FBXO11: variants seen among roughly 807,000 people sequenced by gnomAD.
FBXO11 encodes F-box protein 11.
FBXO11 carries 13 observed loss-of-function variants against 117.0 expected under a neutral mutation model. The observed-to-expected ratio is 0.11, with a 90% CI of 0.07 to 0.18. The LOEUF (loss-of-function observed/expected upper bound fraction) is 0.18. Among genes scored for constraint, FBXO11 ranks in the 10% least tolerant of loss-of-function variants. FBXO11 has a pLI of 1.00. For synonymous variants in FBXO11, 490 were observed against 380.5 expected (o/e 1.29, Z -3.35); for missense variants, 767 against 1,164.4 (o/e 0.66, Z 4.97).
intron 11 of FBXO11, among the ~76,000 whole-genome samples, chr2:47,831,427 G>GAAA (rs920107554): frequency 4.6e-5 from 3 of 65,740 alleles, no homozygotes; most frequent in Non-Finnish European, 8.5e-5. Flanking sequence ...GTCTCAAAAA[G>GAAA]AAAAAAAAAA....
intron 1 of FBXO11, among the ~76,000 whole-genome samples, chr2:47,845,734 T>A (rs543911931): frequency 2.9e-4 from 44 of 152,188 alleles, no homozygotes; most frequent in Admixed American, 2.0e-3. Context: ...GTAACAAGGG[T>A]GCCCTCTTTT....
chr2:47,859,752 T>C (rs1558449752), intron 1 of FBXO11, among the ~76,000 whole-genome samples: 1 of 152,334 alleles, frequency 6.6e-6, no homozygotes. Flanking sequence ...AACCCAATTA[T>C]GTTGTCTTTT....
At chr2:47,826,797 ACT>A (rs1207255159) in intron 11 of FBXO11, among the ~76,000 whole-genome samples, 1 of 151,968 alleles carries the variant, frequency 6.6e-6, no homozygotes, top group East Asian at 1.9e-4. Flanking sequence ...ACAGAGTCTC[ACT>A]CTGTTGCCCA....
In FBXO11 at chr2:47,813,775, G is replaced by A. The variant is rs756936373; in HGVS notation, c.2083+16C>T. The A allele has an allele frequency of 5.0e-6, 8 of 1,593,382 alleles. No homozygotes were observed. The South Asian group carries it at 7.7e-5, about 15-fold the overall frequency. On this transcript the variant is annotated intron_variant, in intron 17 of 22. Transcript: ENST00000403359. Reference sequence around the variant, plus strand: ...AAGTTTATTAACACAGAAAAAAGATGACAGATTAAACATACCAGAATTATA... The same window carrying A: ...AAGTTTATTAACACAGAAAAAAGATAACAGATTAAACATACCAGAATTATA...
Position 47,813,666 on chromosome 2 carries a change from C to T in FBXO11, c.2083+125G>A, listed in dbSNP as rs544153022. On this transcript the variant is annotated intron_variant, in intron 17 of 22. Coordinates refer to ENST00000403359, the MANE Select transcript of FBXO11 (RefSeq NM_001190274.2). ...CAGGCTGGTCTTAAACTCCTGACCTCGGGTGATCCACCCATCTCGGCCTCC... is the reference window on the plus strand; with the variant it reads ...CAGGCTGGTCTTAAACTCCTGACCTTGGGTGATCCACCCATCTCGGCCTCC... The T allele has an allele frequency of 1.9e-4, 138 of 712,194 alleles. 2 individuals carry two copies. Among genetic ancestry groups the T allele is most frequent in the Admixed American group, 3.0e-4 (12 of 39,772 alleles). The allele number at this position is 712,194 out of a possible 1,614,324, so 44.1% of individuals were successfully genotyped here. A position where few individuals can be genotyped will look rare whatever the true frequency, so the allele number is the denominator to read the frequency against.
At chr2:47,853,331 C>T (rs896288985) in intron 1 of FBXO11, among the ~76,000 whole-genome samples, 2 of 151,976 alleles carry the variant, frequency 1.3e-5, no homozygotes, top group African/African-American at 4.8e-5. Flanking sequence ...CGGCCTCCCA[C>T]AGTGCTGAGA....
At chr2:47,825,963 T>C (rs553264897) in intron 11 of FBXO11, among the ~76,000 whole-genome samples, 3 of 152,300 alleles carry the variant, frequency 2.0e-5, no homozygotes, top group African/African-American at 2.4e-5. Flanking sequence ...AAAATTGATA[T>C]ACACTGACTA....
intron 1 of FBXO11, among the ~76,000 whole-genome samples, chr2:47,902,582 T>A (rs535859396): frequency 6.6e-6 from 1 of 151,952 alleles, no homozygotes; most frequent in Non-Finnish European, 1.5e-5. Flanking sequence ...CACACACACA[T>A]ACACATACAC....
intron 11 of FBXO11, 33 bp from the exon 12 acceptor site, chr2:47,823,393 A>G (rs777564070): frequency 6.9e-7 from 1 of 1,450,334 alleles, no homozygotes; most frequent in Non-Finnish European, 9.4e-7. Context: ...CTGTAGGTAA[A>G]GCCTACTTTA....
rs1673327705 is a variant in FBXO11, at chr2:47,845,401, G to A, written c.233-5632C>T. On this transcript the variant is annotated intron_variant, in intron 1 of 22. Coordinates refer to ENST00000403359, the MANE Select transcript of FBXO11 (RefSeq NM_001190274.2). ...ATAAAATCACTGTTTTGAACTCTGC[G>A]CTGAAGAATATGTGCTAATTTCTAC... Among the ~76,000 whole-genome samples the A allele has an allele frequency of 2.6e-5, 4 of 152,244 alleles. 1 individual carries two copies. The South Asian group carries it at 8.3e-4, about 32-fold the overall frequency.
At chr2:47,842,021 ATT>A (rs751568731) in intron 1 of FBXO11, among the ~76,000 whole-genome samples, 1 of 140,920 alleles carries the variant, frequency 7.1e-6, no homozygotes. Context: ...TTTTATTTTT[ATT>A]TTTTTTTTTT....
chr2:47,842,942 G>C (rs1456650415), intron 1 of FBXO11, among the ~76,000 whole-genome samples: 1 of 152,098 alleles, frequency 6.6e-6, no homozygotes, highest in Non-Finnish European at 1.5e-5. Context: ...CACCACACCT[G>C]GCTAATTAAA....
In FBXO11 at chr2:47,829,748, A is replaced by G. The variant is rs557496139; in HGVS notation, c.1398+2601T>C. ...CCATCTTTTAAAGACACATGGTAAA[A>G]TATTTACAAGAGATGATGAAGTCTG... On this transcript the variant is annotated intron_variant, in intron 11 of 22. Transcript: ENST00000403359. Among the ~76,000 whole-genome samples, 21 of 152,316 alleles carry G rather than the reference A, an allele frequency of 1.4e-4. No individual in the cohort carries two copies. The South Asian group carries it at 4.3e-3, about 32-fold the overall frequency.
chr2:47,855,713 T>C (rs1674238751), intron 1 of FBXO11, among the ~76,000 whole-genome samples: 1 of 151,992 alleles, frequency 6.6e-6, no homozygotes, highest in African/African-American at 2.4e-5. Flanking sequence ...ATGCCTATAA[T>C]CACAGCTACT....
At chr2:47,815,364 A>G (rs1390362737) in intron 16 of FBXO11, among the ~76,000 whole-genome samples, 1 of 152,080 alleles carries the variant, frequency 6.6e-6, no homozygotes, top group Non-Finnish European at 1.5e-5. Context: ...TGACCTAGCT[A>G]GGTTTTATGG....
intron 11 of FBXO11, among the ~76,000 whole-genome samples, chr2:47,830,153 C>A (rs530101725): frequency 6.6e-6 from 1 of 152,134 alleles, no homozygotes; most frequent in East Asian, 1.9e-4. Flanking sequence ...AATACATCAG[C>A]AAAAGCCAAA....
chr2:47,839,036 G>C (rs781477939), intron 3 of FBXO11, 33 bp from the exon 4 acceptor site: 7 of 1,565,624 alleles, frequency 4.5e-6, no homozygotes, highest in Middle Eastern at 3.4e-4. Flanking sequence ...ACTATCATTC[G>C]AGCAATAACT....
intron 1 of FBXO11, among the ~76,000 whole-genome samples, chr2:47,896,983 T>C (rs1040087635): frequency 2.0e-5 from 3 of 152,228 alleles, no homozygotes; most frequent in African/African-American, 7.2e-5. Context: ...TTTCATTTGT[T>C]AAATTTTATT....
chr2:47,875,150 G>C (rs1027973366), intron 1 of FBXO11, among the ~76,000 whole-genome samples: 1 of 152,062 alleles, frequency 6.6e-6, no homozygotes, highest in African/African-American at 2.4e-5. Flanking sequence ...TATCTGTGCA[G>C]TCCAACATGG....
Sources: gnomAD v4.1 joint callset for allele counts (sites outside exome capture counted in the v4.1 genomes callset) on GRCh38, gnomAD v4.1.1 for gene constraint, MANE v1.5 for transcripts, NCBI Gene and HGNC (gene_info 2026-07-23, HGNC 2026-07-21) for gene names.